Variants in TMED3 observed in about 807,000 individuals in gnomAD.
The protein encoded by TMED3 is transmembrane p24 trafficking protein 3, also known as transmembrane emp24 domain-containing protein 3.
TMED3 carries 9 observed loss-of-function variants against 15.0 expected under a neutral mutation model. The ratio of observed to expected loss-of-function variants is 0.60; its 90% CI spans 0.36 to 1.04. TMED3 has a LOEUF of 1.04. Among genes scored for constraint, TMED3 ranks in the 50% least tolerant of loss-of-function variants. The pLI is 0.01. For missense variants in TMED3, 267 were observed against 278.9 expected, an observed-to-expected ratio of 0.96 and a Z score of 0.30; for synonymous variants, 117 against 121.4, an observed-to-expected ratio of 0.96 and a Z score of 0.24.
At chr15:79,376,244 C>T (rs186302123) in intron 2 of TMED3, among the ~76,000 whole-genome samples, 280 of 152,188 alleles carry the variant, frequency 1.8e-3, no homozygotes, top group African/African-American at 6.5e-3. Flanking sequence ...TAAAGTATAA[C>T]ACTCTGTAAT....
chr15:79,371,500 CCAAGTGAGGAGAAT>C (rs1893338704), intron 2 of TMED3, among the ~76,000 whole-genome samples: 1 of 152,092 alleles, frequency 6.6e-6, no homozygotes, highest in Admixed American at 6.5e-5. Context: ...TGCTCTCTAG[CCAAGTGAGGAGAAT>C]GGGAGAAATT....
chr15:79,387,964 A>G (rs1457909030), intron 2 of TMED3, among the ~76,000 whole-genome samples: 1 of 152,144 alleles, frequency 6.6e-6, no homozygotes, highest in Non-Finnish European at 1.5e-5. Flanking sequence ...TATTAAAAAT[A>G]TTAAAATTAA....
chr15:79,384,298 T>G (rs1224082821), intron 2 of TMED3: 1 of 152,252 alleles, frequency 6.6e-6, no homozygotes, highest in Non-Finnish European at 1.5e-5. Context: ...TTCGTATAGT[T>G]TTCTTGGAAG....
chr15:79,367,229 G>C (rs1435205665), intron 2 of TMED3, among the ~76,000 whole-genome samples: 1 of 152,140 alleles, frequency 6.6e-6, no homozygotes, highest in Non-Finnish European at 1.5e-5. Context: ...TGGTCAGCAG[G>C]TTACTGGATA....
chr15:79,341,229 GA>G (rs2058850576), intron 2 of TMED3, among the ~76,000 whole-genome samples: 1 of 8,686 alleles, frequency 1.2e-4, no homozygotes, highest in African/African-American at 5.3e-4. Flanking sequence ...GGTGAAGAAA[GA>G]AAGCCAGCAG....
intron 2 of TMED3, among the ~76,000 whole-genome samples, chr15:79,408,233 G>T (rs1893927125): frequency 6.6e-6 from 1 of 152,202 alleles, no homozygotes; most frequent in Admixed American, 6.5e-5. Flanking sequence ...TCTTCCTTAT[G>T]CAGGTTTGGT....
At chr15:79,407,702 A>G (rs1893919329) in intron 2 of TMED3, among the ~76,000 whole-genome samples, 1 of 152,194 alleles carries the variant, frequency 6.6e-6, no homozygotes, top group Non-Finnish European at 1.5e-5. Flanking sequence ...CTTTCAGACT[A>G]AAACAACAAA....
chr15:79,336,590 GGAGGTTGCAGTGAGCA>G (rs778133212), intron 2 of TMED3, among the ~76,000 whole-genome samples: 25 of 152,178 alleles, frequency 1.6e-4, no homozygotes, highest in East Asian at 1.5e-3. Flanking sequence ...CCCAGGAGAT[GGAGGTTGCAGTGAGCA>G]GAGGTTGCAG....
chr15:79,329,539 C>T (rs1360943749), intron 2 of TMED3, among the ~76,000 whole-genome samples: 5 of 152,222 alleles, frequency 3.3e-5, no homozygotes, highest in Admixed American at 3.3e-4. Flanking sequence ...GCTGACATTG[C>T]ACATACAGCT....
chr15:79,403,437 A>G (rs927139189), intron 2 of TMED3, among the ~76,000 whole-genome samples: 1 of 151,860 alleles, frequency 6.6e-6, no homozygotes, highest in African/African-American at 2.4e-5. Flanking sequence ...TCCCTAAGGA[A>G]CTCTAACTTT....
intron 2 of TMED3, among the ~76,000 whole-genome samples, chr15:79,316,423 G>A (rs2058740845): frequency 6.6e-6 from 1 of 152,216 alleles, no homozygotes; most frequent in Admixed American, 6.5e-5. Context: ...CTACCTCCCT[G>A]GTGATCTAGG....
intron 2 of TMED3, among the ~76,000 whole-genome samples, chr15:79,410,176 A>G (rs1203510198): frequency 6.6e-6 from 1 of 152,194 alleles, no homozygotes; most frequent in Non-Finnish European, 1.5e-5. Flanking sequence ...CATAGCCCAT[A>G]ATTCTATATG....
At chr15:79,376,141 G>A (rs112262952) in intron 2 of TMED3, among the ~76,000 whole-genome samples, 4,009 of 123,644 alleles carry the variant, frequency 0.032, 211 homozygotes, top group African/African-American at 0.11. Flanking sequence ...ACGAAGTCTC[G>A]CTCTGTCGCC....
intron 2 of TMED3, chr15:79,382,977 G>C: frequency 6.5e-7 from 1 of 1,535,450 alleles, no homozygotes; most frequent in South Asian, 1.2e-5. Context: ...GGGTCCCAGT[G>C]CTTCACCAAC....
At chr15:79,320,924 C>T (rs2058763727) in intron 2 of TMED3, among the ~76,000 whole-genome samples, 1 of 152,162 alleles carries the variant, frequency 6.6e-6, no homozygotes, top group African/African-American at 2.4e-5. Flanking sequence ...CATGCTCATT[C>T]AGGTTGTTGG....
intron 2 of TMED3, among the ~76,000 whole-genome samples, chr15:79,377,270 A>ATATGTG (rs1893441892): frequency 6.9e-6 from 1 of 145,488 alleles, no homozygotes; most frequent in South Asian, 2.2e-4. Context: ...GAGTGTGTGC[A>ATATGTG]TGTGTGTGTG....
chr15:79,346,779 T>G (rs1483374253), intron 2 of TMED3, among the ~76,000 whole-genome samples: 1 of 152,232 alleles, frequency 6.6e-6, no homozygotes, highest in Non-Finnish European at 1.5e-5. Context: ...TGGGGAATCC[T>G]TTCCTCATTG....
At chr15:79,329,919 TAAAA>T (rs2058801821) in intron 2 of TMED3, among the ~76,000 whole-genome samples, 1 of 152,006 alleles carries the variant, frequency 6.6e-6, no homozygotes, top group South Asian at 2.1e-4. Flanking sequence ...CAAGAAGTCA[TAAAA>T]AGAACCAAGT....
chr15:79,326,802 G>GC (rs2058789101), downstream of TMED3, among the ~76,000 whole-genome samples: 1 of 152,148 alleles, frequency 6.6e-6, no homozygotes, highest in East Asian at 1.9e-4. Flanking sequence ...TATAAAAGAG[G>GC]CCTGAGGGAA....
Sources: gnomAD v4.1 joint callset for allele counts (sites outside exome capture counted in the v4.1 genomes callset) on GRCh38, gnomAD v4.1.1 for gene constraint, MANE v1.5 for transcripts, NCBI Gene and HGNC (gene_info 2026-07-23, HGNC 2026-07-21) for gene names.